ARHGAP44: variants seen among roughly 807,000 people sequenced by gnomAD.
The protein encoded by ARHGAP44 is Rho GTPase activating protein 44.
A neutral mutation model predicts 106.8 loss-of-function variants in ARHGAP44; 43 were observed. The ratio of observed to expected loss-of-function variants is 0.40; its 90% CI spans 0.32 to 0.52. The LOEUF (loss-of-function observed/expected upper bound fraction) is 0.52. Ranked by LOEUF, ARHGAP44 falls within the 20% of genes least tolerant of loss-of-function variation. The pLI, the probability that ARHGAP44 is intolerant of heterozygous loss-of-function variation, is 0.48. For synonymous variants in ARHGAP44, 439 were observed against 410.3 expected, an observed-to-expected ratio of 1.07 and a Z score of -0.85; for missense variants, 866 against 1,050.5, an observed-to-expected ratio of 0.82 and a Z score of 2.43.
chr17:12,800,727 CTATTTACAGCCCCATTTCACAGATGGGGA>C (rs2034067266), intron 1 of ARHGAP44, among the ~76,000 whole-genome samples: 1 of 152,140 alleles, frequency 6.6e-6, no homozygotes, highest in African/African-American at 2.4e-5. Context: ...GTGAATGGGG[CTATTTACAGCCCCATTTCACAGATGGGGA>C]AATAGAGGCT....
intron 12 of ARHGAP44, among the ~76,000 whole-genome samples, chr17:12,950,996 C>G (rs953203129): frequency 6.6e-6 from 1 of 152,128 alleles, no homozygotes; most frequent in African/African-American, 2.4e-5. Flanking sequence ...AAGCCAGGCT[C>G]AAATGTGTAG....
chr17:12,847,159 A>G (rs908624345), intron 1 of ARHGAP44, among the ~76,000 whole-genome samples: 5 of 152,240 alleles, frequency 3.3e-5, no homozygotes, highest in Admixed American at 2.6e-4. Context: ...ATAGCAGTAT[A>G]GGCTGATTTG....
intron 20 of ARHGAP44, 57 bp from the exon 21 acceptor site, chr17:12,989,975 G>A: frequency 6.3e-7 from 1 of 1,583,998 alleles, no homozygotes; most frequent in Non-Finnish European, 8.6e-7. Flanking sequence ...CCTACAACTA[G>A]GTTCTCATTT....
intron 18 of ARHGAP44, among the ~76,000 whole-genome samples, chr17:12,978,057 G>T (rs1429675071): frequency 1.0e-4 from 3 of 30,150 alleles, no homozygotes; most frequent in East Asian, 6.9e-3. Flanking sequence ...AAAAAAAAAA[G>T]TGTGTTTCGT....
chr17:12,954,090 G>T (rs1235253658), intron 13 of ARHGAP44, among the ~76,000 whole-genome samples: 2 of 151,088 alleles, frequency 1.3e-5, no homozygotes, highest in African/African-American at 4.9e-5. Flanking sequence ...TAGAGACGGG[G>T]TTTCACCATG....
At chr17:12,803,132 G>A (rs961975264) in intron 1 of ARHGAP44, among the ~76,000 whole-genome samples, 4 of 150,382 alleles carry the variant, frequency 2.7e-5, no homozygotes, top group South Asian at 2.1e-4. Context: ...ACCACCAGGC[G>A]CCTGTATTTT....
intron 16 of ARHGAP44, among the ~76,000 whole-genome samples, chr17:12,963,207 G>A (rs1210527279): frequency 1.3e-5 from 2 of 152,116 alleles, no homozygotes; most frequent in African/African-American, 4.8e-5. Flanking sequence ...GTCCTCCCAG[G>A]GAGTGTTGGA....
At chr17:12,814,621 ACAAG>A (rs1274651155) in intron 1 of ARHGAP44, among the ~76,000 whole-genome samples, 1 of 152,146 alleles carries the variant, frequency 6.6e-6, no homozygotes, top group Non-Finnish European at 1.5e-5. Flanking sequence ...ACCGTGAAAG[ACAAG>A]CAAGTTCATA....
In ARHGAP44 at chr17:12,944,128, G is replaced by A. The variant is rs773565857; in HGVS notation, c.793G>A (p.Gly265Ser). 3 of 1,612,908 alleles carry A rather than the reference G, an allele frequency of 1.9e-6. No homozygotes were observed. The South Asian group carries it at 3.3e-5, about 18-fold the overall frequency. ...KPLEEHLTIS[G>S]REIAFPIEAC... ...GCTGGAGGAGCACCTCACCATCAGC[G>A]GCCGGGAGATCGCCTTCCCCATCGA... The change falls in exon 10 of 21, where the codon GGC becomes AGC. Residue 265 changes from glycine to serine, a missense_variant. Coordinates refer to ENST00000379672, the MANE Select transcript of ARHGAP44 (RefSeq NM_014859.6).
Position 12,841,585 on chromosome 17 carries a change from G to GTCTCTCTCTGTCTC in ARHGAP44, c.53+51703_53+51704insGTCTCTCTCTCTCT, listed in dbSNP as rs1555546065. 4.8e-3 allele frequency among the ~76,000 whole-genome samples: 591 copies of GTCTCTCTCTGTCTC among 123,236 alleles called. 10 individuals are homozygous for GTCTCTCTCTGTCTC. The highest frequency in any genetic ancestry group is 0.019 in the African/African-American group (517 of 27,942). 80.8% of individuals were successfully genotyped at this position (123,236 alleles called of 152,430 possible). A position where few individuals can be genotyped will look rare whatever the true frequency, so the allele number is the denominator to read the frequency against. On this transcript the variant is annotated intron_variant, in intron 1 of 20. Transcript: ENST00000379672. ...CAACAGAGTGAGACCCTGTCTCTCTGTCTCTCTCTCACACACACACACACA... is the reference window on the plus strand; with the variant it reads ...CAACAGAGTGAGACCCTGTCTCTCTGTCTCTCTCTGTCTCTCTCTCTCTCACACACACACACACA...
chr17:12,920,753 T>A (rs2150956635), intron 6 of ARHGAP44, among the ~76,000 whole-genome samples: 1 of 152,312 alleles, frequency 6.6e-6, no homozygotes, highest in Middle Eastern at 3.4e-3. Flanking sequence ...AGGTGTCTGC[T>A]TTCTGTAGCC....
intron 1 of ARHGAP44, among the ~76,000 whole-genome samples, chr17:12,802,325 A>G (rs886293489): frequency 2.0e-5 from 3 of 152,116 alleles, no homozygotes; most frequent in African/African-American, 7.2e-5. Context: ...AATCAAAGGG[A>G]AGAGCTGGAC....
intron 1 of ARHGAP44, among the ~76,000 whole-genome samples, chr17:12,857,573 G>A (rs1313626074): frequency 1.3e-5 from 2 of 152,040 alleles, no homozygotes; most frequent in African/African-American, 4.8e-5. Context: ...AATGAATTTG[G>A]GAATTAAGTT....
chr17:12,826,538 T>C (rs1349496253), intron 1 of ARHGAP44, among the ~76,000 whole-genome samples: 1 of 152,234 alleles, frequency 6.6e-6, no homozygotes, highest in Non-Finnish European at 1.5e-5. Flanking sequence ...TGCATTTTTA[T>C]TTCCTAATGC....
intron 13 of ARHGAP44, among the ~76,000 whole-genome samples, chr17:12,955,275 G>A (rs1042663719): frequency 3.3e-5 from 5 of 152,110 alleles, no homozygotes; most frequent in African/African-American, 1.2e-4. Flanking sequence ...GGACATTTGG[G>A]TCATTTCCAC....
At position 12,974,757 on chromosome 17, in the gene ARHGAP44, A is replaced by T. The variant is rs530213727; in HGVS notation, c.1763+447A>T. Among the ~76,000 whole-genome samples, 33 of 152,346 alleles carry T rather than the reference A, an allele frequency of 2.2e-4. 1 individual carries two copies. Among genetic ancestry groups the T allele is most frequent in the South Asian group, 2.1e-3 (10 of 4,828 alleles). On this transcript the variant is annotated intron_variant, in intron 18 of 20. Transcript: ENST00000379672. The stretch of plus-strand genomic sequence containing the variant: ...CCTGTGATAAAGTTTTAATTTATAA[A>T]TTAGGCACAGTAGGACATAAGCAAT...
intron 1 of ARHGAP44, among the ~76,000 whole-genome samples, chr17:12,820,430 G>T (rs1348088402): frequency 6.6e-6 from 1 of 152,116 alleles, no homozygotes; most frequent in African/African-American, 2.4e-5. Context: ...GTTATGATAG[G>T]TGGAGAGTAT....
intron 7 of ARHGAP44, among the ~76,000 whole-genome samples, chr17:12,939,467 T>A (rs2038644393): frequency 6.6e-6 from 1 of 152,086 alleles, no homozygotes; most frequent in Non-Finnish European, 1.5e-5. Context: ...CTTTATTTTT[T>A]ATTTTTTTTT....
chr17:12,794,962 C>A (rs1336319756), intron 1 of ARHGAP44, among the ~76,000 whole-genome samples: 1 of 152,082 alleles, frequency 6.6e-6, no homozygotes, highest in African/African-American at 2.4e-5. Context: ...TTGTAGTAGG[C>A]CTTCTAAGAG....
Sources: allele counts gnomAD v4.1 joint callset (sites outside exome capture counted in the v4.1 genomes callset), GRCh38; gene constraint gnomAD v4.1.1; transcripts MANE v1.5; gene names NCBI Gene and HGNC (gene_info 2026-07-23, HGNC 2026-07-21).